Variants in ASTN1 observed in about 807,000 individuals in gnomAD.
ASTN1 encodes the protein astrotactin 1, also known as astrotactin-1.
A neutral mutation model predicts 140.7 loss-of-function variants in ASTN1; 41 were observed. That is an observed-to-expected ratio of 0.29 (90% confidence interval 0.23 to 0.38). The LOEUF (loss-of-function observed/expected upper bound fraction) is 0.38. ASTN1 is among the 10% of genes least tolerant of loss of function. The pLI is 1.00. For synonymous variants in ASTN1, 640 were observed against 652.2 expected (o/e 0.98, Z 0.29); for missense variants, 1,479 against 1,678.8 (o/e 0.88, Z 2.08).
At chr1:177,031,708 T>C (rs1415024095) in intron 3 of ASTN1, among the ~76,000 whole-genome samples, 1 of 152,242 alleles carries the variant, frequency 6.6e-6, no homozygotes, top group East Asian at 1.9e-4. Flanking sequence ...TCCTCAAAGA[T>C]AATTGGGCAG....
intron 16 of ASTN1, among the ~76,000 whole-genome samples, chr1:176,919,590 C>T (rs970285286): frequency 6.6e-6 from 1 of 152,166 alleles, no homozygotes; most frequent in Non-Finnish European, 1.5e-5. Context: ...ATCTATCACA[C>T]AATACCCAGA....
chr1:176,883,228 CTTCTTTTTTTT>C (rs1449239966), intron 19 of ASTN1, among the ~76,000 whole-genome samples: 1 of 146,300 alleles, frequency 6.8e-6, no homozygotes, highest in Non-Finnish European at 1.5e-5. Flanking sequence ...CACCTGAGAG[CTTCTTTTTTTT>C]TTTTTTTTTT....
At chr1:176,963,828 T>C (rs1293043419) in intron 9 of ASTN1, among the ~76,000 whole-genome samples, 1 of 152,218 alleles carries the variant, frequency 6.6e-6, no homozygotes, top group East Asian at 1.9e-4. Context: ...GTCAGCCGAA[T>C]GATAAATCCT....
chr1:177,112,782 T>C (rs752760798), intron 1 of ASTN1, among the ~76,000 whole-genome samples: 1 of 152,224 alleles, frequency 6.6e-6, no homozygotes, highest in Non-Finnish European at 1.5e-5. Context: ...GCTTAGACAG[T>C]CCCTGGTAGC....
intron 14 of ASTN1, among the ~76,000 whole-genome samples, chr1:176,942,831 T>TATATAC (rs1454397956): frequency 2.0e-4 from 5 of 25,214 alleles, no homozygotes; most frequent in African/African-American, 1.0e-3. Context: ...TATATATATA[T>TATATAC]ATATGTATAT....
At chr1:177,028,544 T>C (rs373517429) in intron 5 of ASTN1, among the ~76,000 whole-genome samples, 1 of 152,202 alleles carries the variant, frequency 6.6e-6, no homozygotes, top group Non-Finnish European at 1.5e-5. Context: ...AGAATAAAAA[T>C]GTATATGTCT....
chr1:176,934,426 A>T, intron 15 of ASTN1, 86 bp from the exon 16 acceptor site: 2 of 1,360,158 alleles, frequency 1.5e-6, no homozygotes, highest in Non-Finnish European at 2.0e-6. Context: ...CCAAACATGG[A>T]AGTGCCTGTG....
At chr1:177,113,974 G>A (rs1004474468) in intron 1 of ASTN1, among the ~76,000 whole-genome samples, 4 of 152,100 alleles carry the variant, frequency 2.6e-5, no homozygotes, top group African/African-American at 9.7e-5. Flanking sequence ...AAACTCATAG[G>A]GGACTGAGCT....
chr1:176,897,802 C>T (rs1020356369), intron 16 of ASTN1, among the ~76,000 whole-genome samples: 6 of 152,042 alleles, frequency 3.9e-5, no homozygotes, highest in African/African-American at 1.5e-4. Context: ...GAAAATAACC[C>T]CTACCCCCAA....
intron 16 of ASTN1, among the ~76,000 whole-genome samples, chr1:176,907,031 C>A (rs6425402): frequency 6.6e-6 from 1 of 151,840 alleles, no homozygotes. Context: ...ATATAGAAAC[C>A]AGTCAATCAC....
intron 9 of ASTN1, among the ~76,000 whole-genome samples, chr1:176,958,830 C>T (rs560883899): frequency 6.6e-6 from 1 of 152,262 alleles, no homozygotes; most frequent in South Asian, 2.1e-4. Context: ...AGAGAGATGC[C>T]AACCTCCCAC....
rs1352575221 is a variant in ASTN1, at chr1:176,864,066, C to A, written c.*218G>T. ...AATCCTCTAAAGAAATATGGCACTG[C>A]ATGAAGCCACTGGCTGGCAGATTTC... On this transcript the variant is annotated 3_prime_UTR_variant, in exon 23 of 23. Transcript: ENST00000361833. 1 of 1,384,616 alleles carries A rather than the reference C, an allele frequency of 7.2e-7. No individual in the cohort carries two copies. Among genetic ancestry groups the A allele is most frequent in the Non-Finnish European group, 9.3e-7 (1 of 1,070,128 alleles). 85.8% of individuals were successfully genotyped at this position (1,384,616 alleles called of 1,614,324 possible). A position where few individuals can be genotyped will look rare whatever the true frequency, so the allele number is the denominator to read the frequency against.
intron 2 of ASTN1, among the ~76,000 whole-genome samples, chr1:177,046,233 C>T (rs1677215649): frequency 6.6e-6 from 1 of 152,186 alleles, no homozygotes; most frequent in Non-Finnish European, 1.5e-5. Context: ...TTTTCTCTCT[C>T]TCAGTCAGCA....
chr1:177,130,359 G>A (rs1681885588), intron 1 of ASTN1, among the ~76,000 whole-genome samples: 1 of 152,034 alleles, frequency 6.6e-6, no homozygotes, highest in African/African-American at 2.4e-5. Context: ...CAGACCTATC[G>A]TATTTCAACA....
chr1:177,044,802 C>A (rs1677142743), intron 2 of ASTN1, among the ~76,000 whole-genome samples: 1 of 152,180 alleles, frequency 6.6e-6, no homozygotes, highest in Non-Finnish European at 1.5e-5. Context: ...TGGGGTCATT[C>A]CCAGCCAATC....
At chr1:177,128,851 C>T (rs976836770) in intron 1 of ASTN1, among the ~76,000 whole-genome samples, 1 of 152,194 alleles carries the variant, frequency 6.6e-6, no homozygotes, top group Non-Finnish European at 1.5e-5. Context: ...ATAGCAATCA[C>T]TTATCTCCAC....
At position 177,032,688 on chromosome 1, in the gene ASTN1, C is replaced by G; in HGVS notation, c.633G>C (p.Gly211=). 1 of 1,614,088 alleles carries G rather than the reference C, an allele frequency of 6.2e-7. No individual in the cohort carries two copies. The highest frequency in any genetic ancestry group is 8.5e-7 in the Non-Finnish European group (1 of 1,180,032). The change falls in exon 3 of 23, where the codon GGG becomes GGC. Residue 211 remains glycine (G), a synonymous_variant. Coordinates refer to ENST00000361833, the MANE Select transcript of ASTN1 (RefSeq NM_004319.3). The stretch of plus-strand genomic sequence containing the variant: ...CATTGCGCAGGCTCTCCCGTCCGTG[C>G]CCGCCGATCAGCACAGAAGGAATGT... The part of the protein sequence containing the change: ...IHYIPSVLIG[G]HGRESLRNAR...
rs149918682 is a variant in ASTN1, at chr1:177,107,040, TG to T, written c.284-45776del. Among the ~76,000 whole-genome samples, 1,346 of 152,248 alleles carry T rather than the reference TG, an allele frequency of 8.8e-3. 20 individuals carry two copies. The highest frequency in any genetic ancestry group is 0.031 in the African/African-American group (1,279 of 41,540). On this transcript the variant is annotated intron_variant, in intron 1 of 22. Coordinates refer to ENST00000361833, the MANE Select transcript of ASTN1 (RefSeq NM_004319.3). ...ATCCCACTGCCTCACCTAGCTAATT[TG>T]GGGCAGCTGGCAGTTTATCTAAAGA...
At chr1:176,869,547 A>G (rs918632193) in intron 21 of ASTN1, among the ~76,000 whole-genome samples, 1 of 152,224 alleles carries the variant, frequency 6.6e-6, no homozygotes, top group Admixed American at 6.5e-5. Flanking sequence ...GAAAGAAGAG[A>G]AAGTAAATAT....
Sources: gnomAD v4.1 joint callset for allele counts (sites outside exome capture counted in the v4.1 genomes callset) on GRCh38, gnomAD v4.1.1 for gene constraint, MANE v1.5 for transcripts, NCBI Gene and HGNC (gene_info 2026-07-23, HGNC 2026-07-21) for gene names.